ADAMTS16: variants seen among roughly 807,000 people sequenced by gnomAD.
ADAMTS16 encodes the protein A disintegrin and metalloproteinase with thrombospondin motifs 16.
ADAMTS16 carries 94 observed loss-of-function variants against 145.8 expected under a neutral mutation model. The observed-to-expected ratio is 0.64, with a 90% confidence interval of 0.55 to 0.77. ADAMTS16 has a LOEUF of 0.77. Ranked by LOEUF, ADAMTS16 falls within the 30% of genes least tolerant of loss-of-function variation. The pLI, the probability that ADAMTS16 is intolerant of heterozygous loss-of-function variation, is 0.00. For missense variants in ADAMTS16, 1,585 were observed against 1,591.5 expected, an observed-to-expected ratio of 1.00 and a Z score of 0.07; for synonymous variants, 659 against 604.3, an observed-to-expected ratio of 1.09 and a Z score of -1.33.
intron 3 of ADAMTS16, among the ~76,000 whole-genome samples, chr5:5,155,410 C>T (rs1579276245): frequency 6.6e-6 from 1 of 152,280 alleles, no homozygotes; most frequent in East Asian, 1.9e-4. Context: ...AGAAACCACA[C>T]AAATTATTTG....
intron 2 of ADAMTS16, 46 bp from the exon 3 acceptor site, chr5:5,146,084 C>A: frequency 1.3e-6 from 2 of 1,510,702 alleles, no homozygotes; most frequent in South Asian, 1.2e-5. Flanking sequence ...TGATTCTTCT[C>A]GGAATTCCGA....
At chr5:5,150,178 C>T (rs1411197240) in intron 3 of ADAMTS16, among the ~76,000 whole-genome samples, 4 of 152,202 alleles carry the variant, frequency 2.6e-5, no homozygotes, top group African/African-American at 9.7e-5. Context: ...TATTTCTCCA[C>T]ATTCTTGCCA....
chr5:5,319,184 A>C lies in ADAMTS16; in HGVS notation c.*46A>C, dbSNP rs1242403692. Reference sequence around the variant, plus strand: ...CAGAGAAAGTGCCTGCGTGGCACAGAAATTTCCCACAAATGAGCTGTGCAA... The same window carrying C: ...CAGAGAAAGTGCCTGCGTGGCACAGCAATTTCCCACAAATGAGCTGTGCAA... On this transcript the variant is annotated 3_prime_UTR_variant, in exon 23 of 23. Transcript: ENST00000274181. 1 of 1,413,928 alleles carries C rather than the reference A, an allele frequency of 7.1e-7. No individual in the cohort carries two copies. Among genetic ancestry groups the C allele is most frequent in the Admixed American group, 1.9e-5 (1 of 53,260 alleles). 87.6% of individuals were successfully genotyped at this position (1,413,928 alleles called of 1,614,324 possible).
intron 17 of ADAMTS16, among the ~76,000 whole-genome samples, chr5:5,255,152 A>G (rs1174252964): frequency 6.6e-6 from 1 of 152,174 alleles, no homozygotes; most frequent in African/African-American, 2.4e-5. Context: ...GTATCCCATT[A>G]GATTATTTTC....
At chr5:5,175,546 C>T (rs907217372) in intron 3 of ADAMTS16, among the ~76,000 whole-genome samples, 2 of 152,134 alleles carry the variant, frequency 1.3e-5, no homozygotes, top group Non-Finnish European at 2.9e-5. Context: ...CCAAGTCCAC[C>T]GGTTGTACAC....
chr5:5,233,819 T>C (rs1461572234), intron 12 of ADAMTS16, among the ~76,000 whole-genome samples: 1 of 152,218 alleles, frequency 6.6e-6, no homozygotes, highest in Non-Finnish European at 1.5e-5. Flanking sequence ...TGCGTGTGTC[T>C]TTATGGTAGA....
At chr5:5,270,163 G>T (rs1451554542) in intron 18 of ADAMTS16, among the ~76,000 whole-genome samples, 1 of 152,110 alleles carries the variant, frequency 6.6e-6, no homozygotes, top group African/African-American at 2.4e-5. Flanking sequence ...GGATCTCCCC[G>T]TCCATCGCCC....
At chr5:5,268,360 C>T (rs920071967) in intron 18 of ADAMTS16, among the ~76,000 whole-genome samples, 2 of 152,184 alleles carry the variant, frequency 1.3e-5, no homozygotes, top group Admixed American at 6.5e-5. Flanking sequence ...GGAGCATTTG[C>T]GGTATCCTTG....
At chr5:5,305,171 C>T (rs1170422819) in intron 20 of ADAMTS16, among the ~76,000 whole-genome samples, 3 of 86,060 alleles carry the variant, frequency 3.5e-5, no homozygotes, top group Non-Finnish European at 4.7e-5. Flanking sequence ...ACATATCCCA[C>T]ACCACACACA....
At chr5:5,178,326 C>G (rs1348045892) in intron 3 of ADAMTS16, among the ~76,000 whole-genome samples, 3 of 152,290 alleles carry the variant, frequency 2.0e-5, no homozygotes, top group Non-Finnish European at 4.4e-5. Context: ...TTTTCTGAGG[C>G]CTGGTTAATA....
chr5:5,140,421 C>T lies in ADAMTS16; in HGVS notation c.-47C>T, dbSNP rs1424208149. On this transcript the variant is annotated 5_prime_UTR_variant, in exon 1 of 23. Coordinates refer to ENST00000274181, the MANE Select transcript of ADAMTS16 (RefSeq NM_139056.4). ...TCCTCCCTGCCCGCTCGCACGCTGC[C>T]GGCCGGGGACCCTCCGGTGGCCCCT... 2.0e-6 allele frequency: 3 copies of T among 1,483,354 alleles called. No homozygotes were observed. Among genetic ancestry groups the T allele is most frequent in the African/African-American group, 1.5e-5 (1 of 68,214 alleles). 91.9% of individuals were successfully genotyped at this position (1,483,354 alleles called of 1,614,324 possible). A position where few individuals can be genotyped will look rare whatever the true frequency, so the allele number is the denominator to read the frequency against.
chr5:5,301,621 C>A (rs1171936628), intron 18 of ADAMTS16, among the ~76,000 whole-genome samples: 1 of 152,216 alleles, frequency 6.6e-6, no homozygotes, highest in Non-Finnish European at 1.5e-5. Flanking sequence ...AGAGGCACCT[C>A]CGGAGTTCCT....
Position 5,268,762 on chromosome 5 carries a change from G to A in ADAMTS16, c.2789+5979G>A, listed in dbSNP as rs1738354296. ...GCCCTCCATGCTAAGCCCTCAAGAG[G>A]CAGCTGCTCCTTCCTCTTTCTCTGC... On this transcript the variant is annotated intron_variant, in intron 18 of 22. Transcript: ENST00000274181. Among the ~76,000 whole-genome samples the A allele has an allele frequency of 2.0e-5, 3 of 152,186 alleles. No individual in the cohort carries two copies. In the South Asian group the frequency reaches 6.2e-4, roughly 32 times the overall value.
intron 6 of ADAMTS16, among the ~76,000 whole-genome samples, chr5:5,188,485 G>A (rs1735572526): frequency 6.6e-6 from 1 of 152,054 alleles, no homozygotes; most frequent in Non-Finnish European, 1.5e-5. Context: ...TAATGGGGAG[G>A]CATTTTAGGC....
At chr5:5,176,766 T>G (rs769794524) in intron 3 of ADAMTS16, among the ~76,000 whole-genome samples, 3 of 152,236 alleles carry the variant, frequency 2.0e-5, no homozygotes, top group Non-Finnish European at 4.4e-5. Flanking sequence ...TCTAGCCTTC[T>G]TCCTGCCATA....
intron 3 of ADAMTS16, among the ~76,000 whole-genome samples, chr5:5,152,485 C>A (rs1041806580): frequency 6.6e-6 from 1 of 152,190 alleles, no homozygotes; most frequent in Non-Finnish European, 1.5e-5. Flanking sequence ...GTTGGCCATG[C>A]CTGCCTGGAA....
At chr5:5,150,887 T>C (rs1734435045) in intron 3 of ADAMTS16, among the ~76,000 whole-genome samples, 1 of 152,244 alleles carries the variant, frequency 6.6e-6, no homozygotes, top group Non-Finnish European at 1.5e-5. Context: ...CTCACTGTGG[T>C]GTATTATGCA....
chr5:5,206,627 A>C (rs1469694014), intron 9 of ADAMTS16, among the ~76,000 whole-genome samples: 1 of 151,226 alleles, frequency 6.6e-6, no homozygotes, highest in Non-Finnish European at 1.5e-5. Flanking sequence ...TTACAGATGC[A>C]CACCACCATG....
Position 5,235,066 on chromosome 5 carries a change from T to C in ADAMTS16, c.1903T>C (p.Cys635Arg), listed in dbSNP as rs748762854. Residue 635 changes from cysteine (C) to arginine (R), a missense_variant, in exon 13 of 23, where the codon TGC (cysteine) becomes CGC (arginine). Physicochemically the swap from Cys to Arg is radical, Grantham distance 180 (BLOSUM62 -3). Around this residue, in one of 3 missense-constraint regions of ADAMTS16, gnomAD observed 834 missense variants for 811.7 expected, o/e 1.03. Transcript: ENST00000274181. ...GGGCTCCACTCGCACTCTGAAGCTC[T>C]GCAACAGTCAGAAATGTCCCCGGGA... is the stretch of plus-strand genomic sequence containing the variant. ...CEGSTRTLKL[C>R]NSQKCPRDSV... 3 of 1,604,372 alleles carry C rather than the reference T, an allele frequency of 1.9e-6. No individual in the cohort carries two copies. Among genetic ancestry groups the C allele is most frequent in the Non-Finnish European group, 2.6e-6 (3 of 1,172,190 alleles).
Sources: allele counts gnomAD v4.1 joint callset (sites outside exome capture counted in the v4.1 genomes callset), GRCh38; gene constraint gnomAD v4.1.1; regional missense constraint gnomAD v4.1.1; transcripts MANE v1.5; gene names NCBI Gene and HGNC (gene_info 2026-07-23, HGNC 2026-07-21).